Variants in DMD observed in about 807,000 individuals in gnomAD.
DMD encodes the protein dystrophin.
A neutral mutation model predicts 330.1 loss-of-function variants in DMD; 63 were observed. The observed-to-expected ratio is 0.19, with a 90% confidence interval of 0.16 to 0.24. The LOEUF (loss-of-function observed/expected upper bound fraction) is 0.24, where lower values mean the gene tolerates loss of function less well. Ranked by LOEUF, DMD falls within the 10% of genes least tolerant of loss-of-function variation. DMD has a pLI of 1.00. For missense variants in DMD, 3,344 were observed against 2,684.1 expected, an observed-to-expected ratio of 1.25 and a Z score of -5.43; for synonymous variants, 1,223 against 959.8, an observed-to-expected ratio of 1.27 and a Z score of -5.07.
chrX:31,608,846 G>T (rs1400952175), intron 55 of DMD, among the ~76,000 whole-genome samples: 1 of 111,644 alleles, frequency 9.0e-6, no homozygotes, highest in African/African-American at 3.3e-5. Context: ...AAGACTAGGG[G>T]TTGGGAAGTA....
At chrX:32,282,830 C>G (rs994578364) in intron 43 of DMD, among the ~76,000 whole-genome samples, 6 of 112,125 alleles carry the variant, frequency 5.4e-5, no homozygotes, top group African/African-American at 1.9e-4. Flanking sequence ...AATAATGAAG[C>G]AGGGCAAAAC....
chrX:31,384,457 T>A (rs182286038), intron 60 of DMD, among the ~76,000 whole-genome samples: 97 of 111,727 alleles, frequency 8.7e-4, no homozygotes, highest in African/African-American at 2.8e-3. Context: ...TATAAATTCA[T>A]GGTGAAGTAC....
intron 7 of DMD, among the ~76,000 whole-genome samples, chrX:32,736,467 G>A (rs545016410): frequency 4.0e-4 from 44 of 110,375 alleles, no homozygotes; most frequent in African/African-American, 1.2e-3. Flanking sequence ...ACATGCACAC[G>A]TATGTTTATT....
intron 60 of DMD, among the ~76,000 whole-genome samples, chrX:31,360,348 G>A (rs2058871617): frequency 8.9e-6 from 1 of 111,948 alleles, no homozygotes; most frequent in South Asian, 3.7e-4. Context: ...TGTCTCTCTA[G>A]CCATTTTCTT....
intron 4 of DMD, among the ~76,000 whole-genome samples, chrX:32,841,645 A>T (rs1052955471): frequency 8.9e-6 from 1 of 112,066 alleles, no homozygotes; most frequent in African/African-American, 3.2e-5. Context: ...CTTCAAATAA[A>T]ATAAATACTG....
At chrX:32,251,872 T>C (rs2097264790) in intron 43 of DMD, among the ~76,000 whole-genome samples, 1 of 110,666 alleles carries the variant, frequency 9.0e-6, no homozygotes, top group Non-Finnish European at 1.9e-5. Context: ...TAGTCCCAGC[T>C]ACCCAGGAAG....
chrX:32,521,164 C>T (rs1320474321), intron 17 of DMD, among the ~76,000 whole-genome samples: 1 of 111,773 alleles, frequency 8.9e-6, no homozygotes, highest in Non-Finnish European at 1.9e-5. Flanking sequence ...CTGAGTCCAT[C>T]CAATTTCTAG....
chrX:32,640,769 C>G (rs1476515014), intron 11 of DMD, among the ~76,000 whole-genome samples: 2 of 111,522 alleles, frequency 1.8e-5, no homozygotes, highest in African/African-American at 6.5e-5. Flanking sequence ...AATAACTGTC[C>G]TCTCTTCCTC....
chrX:33,013,051 C>A (rs2147676140), intron 2 of DMD, among the ~76,000 whole-genome samples: 1 of 110,652 alleles, frequency 9.0e-6, no homozygotes, highest in East Asian at 2.9e-4. Context: ...CCCCTGCCTG[C>A]TTCTCATAGG....
At chrX:31,850,300 G>A (rs1239593756) in intron 48 of DMD, among the ~76,000 whole-genome samples, 2 of 112,372 alleles carry the variant, frequency 1.8e-5, no homozygotes, top group African/African-American at 3.2e-5. Context: ...TCTATTGTAC[G>A]ATATATCTCA....
chrX:32,473,678 A>G (rs112663989), intron 21 of DMD, among the ~76,000 whole-genome samples: 1,555 of 111,224 alleles, frequency 0.014, 21 homozygotes, highest in African/African-American at 0.047. Context: ...ATTTTTTTCA[A>G]TATGTTTATA....
intron 1 of DMD, among the ~76,000 whole-genome samples, chrX:33,118,562 G>C (rs5928180): frequency 9.0e-6 from 1 of 110,807 alleles, no homozygotes; most frequent in Non-Finnish European, 1.9e-5. Context: ...GAAAAGAAAC[G>C]TTCATCTGAA....
chrX:33,260,470 A>G (rs1261852924), intron 1 of DMD, among the ~76,000 whole-genome samples: 1 of 111,356 alleles, frequency 9.0e-6, no homozygotes, highest in Non-Finnish European at 1.9e-5. Context: ...TTCTCAAAAC[A>G]TCATCAGAGA....
chrX:32,243,774 G>T, intron 43 of DMD, among the ~76,000 whole-genome samples: 1 of 110,615 alleles, frequency 9.0e-6, no homozygotes, highest in East Asian at 2.8e-4. Context: ...CCAGCACATC[G>T]ACTCAAGTTA....
chrX:32,850,406 G>A (rs1357488417), intron 2 of DMD, among the ~76,000 whole-genome samples: 2 of 111,616 alleles, frequency 1.8e-5, no homozygotes, highest in East Asian at 2.8e-4. Context: ...CTTTGCTCAG[G>A]AATTATACTA....
At chrX:31,380,057 C>T (rs1340468077) in intron 60 of DMD, among the ~76,000 whole-genome samples, 2 of 110,852 alleles carry the variant, frequency 1.8e-5, no homozygotes, top group African/African-American at 6.6e-5. Context: ...GAGGGTAAGT[C>T]CGTCCCCTTC....
rs147736600 is a variant in DMD, at chrX:31,998,134, C to T, written c.6439-29620G>A. Among the ~76,000 whole-genome samples the T allele has an allele frequency of 7.0e-3, 781 of 111,573 alleles. 5 individuals carry two copies. The highest frequency in any genetic ancestry group is 0.024 in the African/African-American group (739 of 30,680). The stretch of plus-strand genomic sequence containing the variant: ...GCCCATGACAAAAACTACATTTTAT[C>T]ACATTAAAATAAAGAGGAAGAAACG... On this transcript the variant is annotated intron_variant, in intron 44 of 78. Coordinates refer to ENST00000357033, the MANE Select transcript of DMD (RefSeq NM_004006.3).
chrX:32,614,487 T>C lies in DMD; in HGVS notation c.1332-34A>G, dbSNP rs200463850. On this transcript the variant is annotated intron_variant, in intron 11 of 78. Transcript: ENST00000357033. Reference sequence around the variant, plus strand: ...TTGAAAGAAGCCTATTATGACCTCTTTGAAAGCAACTTATTACTGAACATC... The same window carrying C: ...TTGAAAGAAGCCTATTATGACCTCTCTGAAAGCAACTTATTACTGAACATC... The C allele has an allele frequency of 9.8e-6, 11 of 1,120,898 alleles. No homozygotes were observed. In the East Asian group the frequency reaches 3.0e-4, roughly 31 times the overall value. The allele number at this position is 1,120,898 out of a possible 1,213,427, so 92.4% of individuals were successfully genotyped here. A position where few individuals can be genotyped will look rare whatever the true frequency, so the allele number is the denominator to read the frequency against.
chrX:31,377,177 C>T (rs892614680), intron 60 of DMD, among the ~76,000 whole-genome samples: 3 of 111,516 alleles, frequency 2.7e-5, no homozygotes, highest in Admixed American at 9.6e-5. Flanking sequence ...CGGGAGGTGG[C>T]GGGGGGAATT....
Sources: allele counts gnomAD v4.1 joint callset (sites outside exome capture counted in the v4.1 genomes callset), GRCh38; gene constraint gnomAD v4.1.1; transcripts MANE v1.5; gene names NCBI Gene and HGNC (gene_info 2026-07-23, HGNC 2026-07-21).